The following WDR7 variants were observed in gnomAD, a reference collection of about 807,000 sequenced individuals.
WDR7 encodes the protein WD repeat domain 7, also known as WD repeat-containing protein 7.
WDR7 carries 46 observed loss-of-function variants against 169.4 expected under a neutral mutation model. The observed-to-expected ratio is 0.27, with a 90% confidence interval of 0.21 to 0.35. WDR7 has a LOEUF of 0.35. Among genes scored for constraint, WDR7 ranks in the 10% least tolerant of loss-of-function variants. The pLI is 1.00. For synonymous variants in WDR7, 612 were observed against 666.8 expected (o/e 0.92, Z 1.27); for missense variants, 1,534 against 1,859.3 (o/e 0.83, Z 3.22).
At chr18:57,008,126 G>T (rs17830589) in intron 26 of WDR7, among the ~76,000 whole-genome samples, 15,401 of 151,858 alleles carry the variant, frequency 0.1, 1,214 homozygotes, top group East Asian at 0.44. Context: ...ATCCCTATCC[G>T]CCGCGCCCTC....
chr18:56,946,543 C>T (rs2047105674), intron 25 of WDR7, among the ~76,000 whole-genome samples: 1 of 152,136 alleles, frequency 6.6e-6, no homozygotes. Context: ...AAGCCAAAGT[C>T]CCTGCTTATG....
At chr18:56,800,412 T>A (rs943754573) in intron 19 of WDR7, among the ~76,000 whole-genome samples, 2 of 152,228 alleles carry the variant, frequency 1.3e-5, no homozygotes, top group African/African-American at 4.8e-5. Context: ...ATTTCATGCA[T>A]GTGCTTACTT....
At chr18:56,753,279 A>G (rs2043823670) in intron 14 of WDR7, 1 of 152,174 alleles carries the variant, frequency 6.6e-6, no homozygotes, top group Admixed American at 6.5e-5. Context: ...AGAAATCTGT[A>G]ACTGGTTGGA....
chr18:56,876,192 G>T (rs545789003), intron 20 of WDR7, among the ~76,000 whole-genome samples: 56 of 152,120 alleles, frequency 3.7e-4, no homozygotes, highest in African/African-American at 1.3e-3. Flanking sequence ...TATTCAGAGA[G>T]CCTTGCTGCT....
At chr18:56,800,426 T>C (rs1452441826) in intron 19 of WDR7, among the ~76,000 whole-genome samples, 3 of 152,216 alleles carry the variant, frequency 2.0e-5, no homozygotes, top group Non-Finnish European at 4.4e-5. Context: ...CTTACTTAGT[T>C]TTCTCTGAAG....
intron 19 of WDR7, among the ~76,000 whole-genome samples, chr18:56,805,861 T>C (rs566626768): frequency 6.6e-6 from 1 of 152,316 alleles, no homozygotes; most frequent in Admixed American, 6.5e-5. Context: ...TCATTGCCTT[T>C]GGGGCTCTAG....
At chr18:56,972,679 A>C (rs187435559) in intron 26 of WDR7, among the ~76,000 whole-genome samples, 66 of 152,312 alleles carry the variant, frequency 4.3e-4, no homozygotes, top group African/African-American at 1.5e-3. Context: ...TGCTATTTAG[A>C]GAAAAACTTC....
intron 21 of WDR7, among the ~76,000 whole-genome samples, chr18:56,897,650 C>T (rs1197900173): frequency 6.6e-6 from 1 of 151,786 alleles, no homozygotes; most frequent in Non-Finnish European, 1.5e-5. Context: ...AAAAATTATG[C>T]ATCTTTACCT....
intron 26 of WDR7, among the ~76,000 whole-genome samples, chr18:57,008,329 C>T (rs2048094099): frequency 6.6e-6 from 1 of 152,182 alleles, no homozygotes; most frequent in South Asian, 2.1e-4. Context: ...TTTCTTAAAA[C>T]TAGTCTGATC....
chr18:56,933,500 C>T (rs1407586937), intron 22 of WDR7, among the ~76,000 whole-genome samples: 4 of 152,188 alleles, frequency 2.6e-5, no homozygotes, highest in Non-Finnish European at 5.9e-5. Flanking sequence ...ATAACTGTGC[C>T]TCCTGTATCT....
At chr18:56,867,048 AG>A (rs1347233811) in intron 20 of WDR7, among the ~76,000 whole-genome samples, 2 of 151,620 alleles carry the variant, frequency 1.3e-5, no homozygotes, top group Admixed American at 6.6e-5. Flanking sequence ...TTTTTGAGGC[AG>A]GGTCTCACTC....
In WDR7 at chr18:56,873,258, A is replaced by G. The variant is rs541874182; in HGVS notation, c.3305-6686A>G. Reference sequence around the variant, plus strand: ...GCGGTGTTCTTATGAGCCTATGTACATGCCAACCTTTAAACTACACCAAGT... The same window carrying G: ...GCGGTGTTCTTATGAGCCTATGTACGTGCCAACCTTTAAACTACACCAAGT... On this transcript the variant is annotated intron_variant, in intron 20 of 27. Coordinates refer to ENST00000254442, the MANE Select transcript of WDR7 (RefSeq NM_015285.3). Among the ~76,000 whole-genome samples, 3 of 152,304 alleles carry G rather than the reference A, an allele frequency of 2.0e-5. No homozygotes were observed. The South Asian group carries it at 6.2e-4, about 32-fold the overall frequency.
chr18:56,850,999 C>G (rs909287807), intron 20 of WDR7, among the ~76,000 whole-genome samples: 1 of 152,140 alleles, frequency 6.6e-6, no homozygotes, highest in Non-Finnish European at 1.5e-5. Flanking sequence ...AATTTCTGCT[C>G]TCCATTCCTG....
intron 13 of WDR7, among the ~76,000 whole-genome samples, chr18:56,718,832 A>G (rs1544718): frequency 0.92 from 139,573 of 152,266 alleles, 65,187 homozygotes; most frequent in East Asian, 1. Flanking sequence ...TCTTTCTTTT[A>G]ATTCCTAGTT....
intron 21 of WDR7, among the ~76,000 whole-genome samples, chr18:56,920,771 C>A (rs2046706661): frequency 6.6e-6 from 1 of 152,020 alleles, no homozygotes; most frequent in Admixed American, 6.6e-5. Context: ...TATTCAATAC[C>A]AACTGTTTAA....
intron 22 of WDR7, among the ~76,000 whole-genome samples, chr18:56,925,440 T>C (rs1026770339): frequency 1.3e-5 from 2 of 152,216 alleles, no homozygotes; most frequent in African/African-American, 4.8e-5. Context: ...TTTATTTTTT[T>C]AGTATAATCA....
chr18:56,679,210 G>T lies in WDR7; in HGVS notation c.160-122G>T, dbSNP rs1465947612. On this transcript the variant is annotated intron_variant, in intron 2 of 27. Coordinates refer to ENST00000254442, the MANE Select transcript of WDR7 (RefSeq NM_015285.3). ...CAGCAGTGCTTTGCAAGAGCCAGGG[G>T]CTAGAATAAAAAATCTTAGCAGTCT... The T allele has an allele frequency of 4.2e-6, 3 of 708,030 alleles. No homozygotes were observed. The African/African-American group carries it at 5.4e-5, about 13-fold the overall frequency. 43.9% of individuals were successfully genotyped at this position (708,030 alleles called of 1,614,324 possible). A position where few individuals can be genotyped will look rare whatever the true frequency, so the allele number is the denominator to read the frequency against.
intron 25 of WDR7, among the ~76,000 whole-genome samples, chr18:56,952,308 C>G (rs2145741052): frequency 6.6e-6 from 1 of 152,340 alleles, no homozygotes; most frequent in East Asian, 1.9e-4. Context: ...CTGTATGAAA[C>G]AAGGGGCTCT....
At chr18:56,930,921 C>G (rs995368985) in intron 22 of WDR7, among the ~76,000 whole-genome samples, 1 of 152,172 alleles carries the variant, frequency 6.6e-6, no homozygotes, top group Non-Finnish European at 1.5e-5. Context: ...CCAAAGTGTT[C>G]TTACATGTAA....
Sources: allele counts gnomAD v4.1 joint callset (sites outside exome capture counted in the v4.1 genomes callset), GRCh38; gene constraint gnomAD v4.1.1; transcripts MANE v1.5; gene names NCBI Gene and HGNC (gene_info 2026-07-23, HGNC 2026-07-21).